The following ENPP3 variants were observed in gnomAD, a reference collection of about 807,000 sequenced individuals.
ENPP3 encodes the protein ectonucleotide pyrophosphatase/phosphodiesterase 3.
A neutral mutation model predicts 117.8 loss-of-function variants in ENPP3; 104 were observed. The observed-to-expected ratio is 0.88, with a 90% CI of 0.75 to 1.04. The LOEUF (loss-of-function observed/expected upper bound fraction) is 1.04, where lower values mean the gene tolerates loss of function less well. Ranked by LOEUF, ENPP3 falls within the 50% of genes least tolerant of loss-of-function variation. The pLI is 0.00. For missense variants in ENPP3, 1,026 were observed against 1,051.9 expected, an observed-to-expected ratio of 0.98 and a Z score of 0.34; for synonymous variants, 380 against 349.9, an observed-to-expected ratio of 1.09 and a Z score of -0.96.
chr6:131,649,786 C>G (rs979748245), intron 2 of ENPP3, among the ~76,000 whole-genome samples: 5 of 152,156 alleles, frequency 3.3e-5, no homozygotes, highest in Non-Finnish European at 5.9e-5. Flanking sequence ...AAACTCCTGA[C>G]CTCAAGTGAT....
intron 12 of ENPP3, among the ~76,000 whole-genome samples, chr6:131,684,646 T>G (rs1269457671): frequency 6.6e-6 from 1 of 150,934 alleles, no homozygotes; most frequent in Non-Finnish European, 1.5e-5. Context: ...ATCACACCAC[T>G]GCACTATAGC....
Position 131,683,471 on chromosome 6 carries a change from CA to C in ENPP3, c.1120+310del, listed in dbSNP as rs1238895817. ...AAAAAGTGCTTTGGGACCTTCTTTC[CA>C]GCCATGATTCGTTTATGTAGATTGG... On this transcript the variant is annotated intron_variant, in intron 12 of 24. Coordinates refer to ENST00000357639, the MANE Select transcript of ENPP3 (RefSeq NM_005021.5). 2.0e-5 allele frequency among the ~76,000 whole-genome samples: 3 copies of C among 152,244 alleles called. No individual in the cohort carries two copies. In the East Asian group the frequency reaches 5.8e-4, roughly 29 times the overall value.
At chr6:131,721,232 C>T (rs1260043265) in intron 17 of ENPP3, among the ~76,000 whole-genome samples, 8 of 152,336 alleles carry the variant, frequency 5.3e-5, no homozygotes, top group African/African-American at 1.7e-4. Flanking sequence ...AATGAGTAAG[C>T]TGCAATTTCG....
chr6:131,642,078 A>G (rs1342441024), intron 2 of ENPP3, among the ~76,000 whole-genome samples: 2 of 151,974 alleles, frequency 1.3e-5, no homozygotes, highest in Non-Finnish European at 2.9e-5. Flanking sequence ...TACAGGTGTG[A>G]GTTGCCGCGC....
At chr6:131,679,087 TTTC>T (rs1465309216) in intron 11 of ENPP3, among the ~76,000 whole-genome samples, 6 of 119,930 alleles carry the variant, frequency 5.0e-5, no homozygotes, top group African/African-American at 1.8e-4. Context: ...CTTTCTTTCT[TTTC>T]TTCTTTCTTT....
chr6:131,640,656 A>G (rs542576331), intron 1 of ENPP3, among the ~76,000 whole-genome samples: 137 of 152,354 alleles, frequency 9.0e-4, no homozygotes, highest in Non-Finnish European at 1.7e-3. Context: ...TTATTGTAAA[A>G]TACTTTCCTA....
In ENPP3 at chr6:131,667,702, C is replaced by T. The variant is rs116680931; in HGVS notation, c.563-3546C>T. On this transcript the variant is annotated intron_variant, in intron 6 of 24. Transcript: ENST00000357639. ...ACAGTTCTGCTTTTCCTACTGGTTTCGATGTAACTGGTGTTATACTTGCCT... is the reference window on the plus strand; with the variant it reads ...ACAGTTCTGCTTTTCCTACTGGTTTTGATGTAACTGGTGTTATACTTGCCT... Among the ~76,000 whole-genome samples, 1,291 of 152,258 alleles carry T rather than the reference C, an allele frequency of 8.5e-3. 11 individuals carry two copies. The highest frequency in any genetic ancestry group is 0.027 in the African/African-American group (1,141 of 41,548).
At chr6:131,726,833 C>A (rs891125919) in intron 20 of ENPP3, among the ~76,000 whole-genome samples, 2 of 152,300 alleles carry the variant, frequency 1.3e-5, no homozygotes, top group East Asian at 3.9e-4. Flanking sequence ...AGTCAACTAC[C>A]CTTCAGGAAG....
chr6:131,657,129 G>C (rs1778402694), intron 5 of ENPP3, among the ~76,000 whole-genome samples: 1 of 152,076 alleles, frequency 6.6e-6, no homozygotes, highest in African/African-American at 2.4e-5. Context: ...TGAATTTTCT[G>C]TACACTGCAG....
At chr6:131,688,339 G>T (rs935978431) in intron 14 of ENPP3, among the ~76,000 whole-genome samples, 8 of 152,116 alleles carry the variant, frequency 5.3e-5, no homozygotes, top group African/African-American at 1.7e-4. Flanking sequence ...TGCTACAATG[G>T]CTTCTAAATG....
chr6:131,692,819 A>C (rs1779310898), intron 14 of ENPP3, among the ~76,000 whole-genome samples: 1 of 143,884 alleles, frequency 7.0e-6, no homozygotes, highest in Non-Finnish European at 1.5e-5. Flanking sequence ...TATATGATAT[A>C]TGATATGATA....
At chr6:131,672,253 C>A (rs933510923) in intron 7 of ENPP3, among the ~76,000 whole-genome samples, 1 of 152,120 alleles carries the variant, frequency 6.6e-6, no homozygotes, top group Non-Finnish European at 1.5e-5. Context: ...TAAACAAGTA[C>A]CATTTTCACA....
chr6:131,697,239 G>A (rs1012759256), intron 15 of ENPP3, among the ~76,000 whole-genome samples: 1 of 152,176 alleles, frequency 6.6e-6, no homozygotes, highest in African/African-American at 2.4e-5. Flanking sequence ...AAATGACTAA[G>A]GAGTGTGACT....
At chr6:131,651,925 G>C (rs577261289) in intron 3 of ENPP3, among the ~76,000 whole-genome samples, 12 of 152,306 alleles carry the variant, frequency 7.9e-5, no homozygotes, top group African/African-American at 2.9e-4. Flanking sequence ...ATTGATTTTA[G>C]TCACTGTTTC....
Position 131,718,706 on chromosome 6 carries a change from C to G in ENPP3, c.1447C>G (p.His483Asp). 1 of 1,604,434 alleles carries G rather than the reference C, an allele frequency of 6.2e-7. No homozygotes were observed. The highest frequency in any genetic ancestry group is 8.5e-7 in the Non-Finnish European group (1 of 1,173,874). Residue 483 changes from histidine to aspartate, a missense_variant, in exon 16 of 25, where the codon CAT becomes GAT. His to Asp is a moderately conservative substitution (Grantham distance 81, BLOSUM62 -1). Transcript: ENST00000357639. ...KSNTNCGGGNHGYNNEFRSME... is the reference protein window; with the variant it reads ...KSNTNCGGGNDGYNNEFRSME... ...AAATACAAATTGTGGAGGAGGCAAC[C>G]ATGGTTATAACAATGAGTTTAGGAG...
At chr6:131,701,461 A>T (rs1254087734) in intron 15 of ENPP3, 9 of 706,012 alleles carry the variant, frequency 1.3e-5, no homozygotes, top group Non-Finnish European at 2.2e-5. Context: ...GTTTAAAAAC[A>T]GATTCATTTT....
intron 11 of ENPP3, among the ~76,000 whole-genome samples, chr6:131,679,553 C>G (rs1778977838): frequency 1.3e-5 from 2 of 149,874 alleles, no homozygotes; most frequent in South Asian, 2.1e-4. Flanking sequence ...AGTTCAAAAC[C>G]CAAGTACATT....
At chr6:131,671,612 C>T (rs1257004638) in intron 7 of ENPP3, among the ~76,000 whole-genome samples, 2 of 152,156 alleles carry the variant, frequency 1.3e-5, no homozygotes, top group South Asian at 2.1e-4. Context: ...TCTGATCTTT[C>T]GATTGCCCTT....
chr6:131,726,848 C>T (rs1052773593), intron 20 of ENPP3, among the ~76,000 whole-genome samples: 1 of 152,178 alleles, frequency 6.6e-6, no homozygotes, highest in African/African-American at 2.4e-5. Flanking sequence ...AGGAAGAAAA[C>T]AGTAGATCCC....
Sources: gnomAD v4.1 joint callset for allele counts (sites outside exome capture counted in the v4.1 genomes callset) on GRCh38, gnomAD v4.1.1 for gene constraint, MANE v1.5 for transcripts, NCBI Gene and HGNC (gene_info 2026-07-23, HGNC 2026-07-21) for gene names.